The following TF variants were observed in gnomAD, a reference collection of about 807,000 sequenced individuals.
TF encodes transferrin.
A neutral mutation model predicts 82.4 loss-of-function variants in TF; 55 were observed. The observed-to-expected ratio is 0.67, with a 90% CI of 0.54 to 0.84. TF has a LOEUF of 0.84. Ranked by LOEUF, TF falls within the 40% of genes least tolerant of loss-of-function variation. TF has a pLI of 0.00. For synonymous variants in TF, 332 were observed against 332.6 expected (o/e 1.00, Z 0.02); for missense variants, 737 against 868.4 (o/e 0.85, Z 1.90).
the TF span, chr3:133,699,672 A>G: frequency 6.4e-6 from 3 of 470,640 alleles, no homozygotes; most frequent in Non-Finnish European, 1.3e-5. Flanking sequence ...CCCTGCTTGG[A>G]TTTGGAGGGA....
chr3:133,680,212 T>C, the TF span, among the ~76,000 whole-genome samples: 1 of 152,158 alleles, frequency 6.6e-6, no homozygotes, highest in Non-Finnish European at 1.5e-5. Flanking sequence ...TTTTTTTTCT[T>C]TCTTTTTTGG....
Position 133,793,337 on chromosome 3 carries a change from C to A in TF, c.*14717C>A, listed in dbSNP as rs371299616. The A allele has an allele frequency of 1.3e-3, 194 of 152,182 alleles. 4 individuals carry two copies. The highest frequency in any genetic ancestry group is 4.5e-3 in the African/African-American group (186 of 41,552). The allele number at this position is 152,182 out of a possible 1,614,324, so 9.4% of individuals were successfully genotyped here. On this transcript the variant is annotated 3_prime_UTR_variant, in exon 17 of 17. Coordinates refer to ENST00000402696, the MANE Select transcript of TF (RefSeq NM_001063.4). Reference sequence around the variant, plus strand: ...TTTCATAATGTCAAGTGTTTTAAATCTTTAACATATTTAATAGGCTTCCCA... The same window carrying A: ...TTTCATAATGTCAAGTGTTTTAAATATTTAACATATTTAATAGGCTTCCCA...
At chr3:133,671,496 A>T in the TF span, among the ~76,000 whole-genome samples, 12,428 of 152,082 alleles carry the variant, frequency 0.082, 526 homozygotes, top group Middle Eastern at 0.14. Context: ...AAAAAAAGGC[A>T]AGAGAGGCCA....
rs1392977928 is a variant in TF, at chr3:133,782,850, A to C, written c.*4230A>C. ...AAAACCAAAACAACAACAAACAAAC[A>C]AGCAAACAAAACACACACACACAAA... On this transcript the variant is annotated 3_prime_UTR_variant, in exon 17 of 17. Coordinates refer to ENST00000402696, the MANE Select transcript of TF (RefSeq NM_001063.4). 6.6e-6 allele frequency: 1 copy of C among 152,022 alleles called. No individual in the cohort carries two copies. Among genetic ancestry groups the C allele is most frequent in the African/African-American group, 2.4e-5 (1 of 41,328 alleles). The allele number at this position is 152,022 out of a possible 1,614,324, so 9.4% of individuals were successfully genotyped here.
chr3:133,770,608 T>C, intron 14 of TF, 36 bp downstream of exon 14: 1 of 1,603,738 alleles, frequency 6.2e-7, no homozygotes, highest in Non-Finnish European at 8.5e-7. Context: ...CCTAGATCAC[T>C]AGATCCTGGT....
the TF span, among the ~76,000 whole-genome samples, chr3:133,708,770 G>GT: frequency 3.7e-3 from 542 of 145,130 alleles, 3 homozygotes; most frequent in African/African-American, 0.011. Flanking sequence ...AAATGTATAG[G>GT]TTTTTTTTTT....
chr3:133,760,237 G>A (rs917131945), intron 9 of TF: 2 of 152,148 alleles, frequency 1.3e-5, no homozygotes, highest in East Asian at 1.9e-4. Context: ...TATTATAAAG[G>A]TACTTCCTGC....
At chr3:133,754,370 C>T in intron 3 of TF, 125 bp from the exon 4 acceptor site, 1 of 969,414 alleles carries the variant, frequency 1.0e-6, no homozygotes, top group Non-Finnish European at 1.6e-6. Context: ...TTCCCCACTC[C>T]TTATCGCCCA....
intron 16 of TF, 172 bp from the exon 17 acceptor site, chr3:133,778,414 A>G: frequency 1.6e-6 from 1 of 623,164 alleles, no homozygotes; most frequent in Admixed American, 2.2e-5. Context: ...GGATAGGCAC[A>G]GGAGCTGTGC....
the TF span, among the ~76,000 whole-genome samples, chr3:133,733,989 A>G: frequency 1.3e-5 from 2 of 152,308 alleles, no homozygotes; most frequent in South Asian, 2.1e-4. Flanking sequence ...TTGTTTATGT[A>G]CAAGAGAAAT....
upstream of TF, among the ~76,000 whole-genome samples, chr3:133,744,830 G>A (rs1933459411): frequency 6.6e-6 from 1 of 152,124 alleles, no homozygotes; most frequent in Admixed American, 6.5e-5. Flanking sequence ...TATATTTATT[G>A]TTATTGCAAA....
At chr3:133,692,529 C>T in the TF span, among the ~76,000 whole-genome samples, 31 of 152,250 alleles carry the variant, frequency 2.0e-4, no homozygotes, top group African/African-American at 5.3e-4. Context: ...TAGCTGGTGC[C>T]CTTGAGGATC....
chr3:133,778,079 C>T (rs41296616), intron 16 of TF: 186 of 167,052 alleles, frequency 1.1e-3, no homozygotes, highest in African/African-American at 4.3e-3. Context: ...GTAATTCTGA[C>T]GGAAGCAGCA....
chr3:133,687,208 G>C, the TF span, among the ~76,000 whole-genome samples: 1 of 152,134 alleles, frequency 6.6e-6, no homozygotes, highest in Non-Finnish European at 1.5e-5. Context: ...AGTGGGGGGA[G>C]GGGAGAGGGA....
the TF span, among the ~76,000 whole-genome samples, chr3:133,736,631 C>CAAAAAAAAAAAAAAA: frequency 1.2e-3 from 39 of 32,540 alleles, 1 homozygote; most frequent in Non-Finnish European, 1.5e-3. Flanking sequence ...AATGGAAAGC[C>CAAAAAAAAAAAAAAA]AAAAAAAAAA....
rs887048792 is a variant in TF at position 133,788,147 on chromosome 3, C to T, written c.*9527C>T. The T allele has an allele frequency of 3.9e-5, 6 of 152,282 alleles. No homozygotes were observed. Among genetic ancestry groups the T allele is most frequent in the African/African-American group, 1.4e-4 (6 of 41,454 alleles). 9.4% of individuals were successfully genotyped at this position (152,282 alleles called of 1,614,324 possible). A position where few individuals can be genotyped will look rare whatever the true frequency, so the allele number is the denominator to read the frequency against. ...CATAAAGCAGATTCATGCAGACTTC[C>T]TAGAAATAAATGAAATGGAAACACA... On this transcript the variant is annotated 3_prime_UTR_variant, in exon 17 of 17. Coordinates refer to ENST00000402696, the MANE Select transcript of TF (RefSeq NM_001063.4).
chr3:133,754,487 C>T lies in TF; in HGVS notation c.326-8C>T. ...TGAGGGCCTTCCATTCACACTGTGC[C>T]TTTGCAGATCCACAGACTTTCTATT... is the stretch of plus-strand genomic sequence containing the variant. On this transcript the variant is annotated splice_polypyrimidine_tract_variant and splice_region_variant and intron_variant, in intron 3 of 16. Transcript: ENST00000402696. 6.2e-7 allele frequency: 1 copy of T among 1,614,056 alleles called. No individual in the cohort carries two copies. The highest frequency in any genetic ancestry group is 2.2e-5 in the East Asian group (1 of 44,884).
rs1023654359 is a variant in TF, at chr3:133,795,456, A to G, written c.*16836A>G. 3 of 152,166 alleles carry G rather than the reference A, an allele frequency of 2.0e-5. No homozygotes were observed. The highest frequency in any genetic ancestry group is 7.2e-5 in the African/African-American group (3 of 41,418). 9.4% of individuals were successfully genotyped at this position (152,166 alleles called of 1,614,324 possible). ...AGCCATGAGGACACTGTAACCTACGAATGATGTGCTGAGTCCAAAAGCCCA... is the reference window on the plus strand; with the variant it reads ...AGCCATGAGGACACTGTAACCTACGGATGATGTGCTGAGTCCAAAAGCCCA... On this transcript the variant is annotated 3_prime_UTR_variant, in exon 17 of 17. Coordinates refer to ENST00000402696, the MANE Select transcript of TF (RefSeq NM_001063.4).
the TF span, among the ~76,000 whole-genome samples, chr3:133,667,121 T>C: frequency 1.3e-5 from 2 of 151,996 alleles, no homozygotes; most frequent in Admixed American, 6.6e-5. Flanking sequence ...GGCAGGAGAA[T>C]TGCTTGAGGC....
Sources: allele counts gnomAD v4.1 joint callset (sites outside exome capture counted in the v4.1 genomes callset), GRCh38; gene constraint gnomAD v4.1.1; transcripts MANE v1.5; gene names NCBI Gene and HGNC (gene_info 2026-07-23, HGNC 2026-07-21).